Variants in YAP1 observed in about 807,000 individuals in gnomAD.
YAP1 encodes transcriptional coactivator YAP1.
In YAP1, 5 loss-of-function variants were observed where a neutral mutation model predicts 56.9. That is an observed-to-expected ratio of 0.09 (90% CI 0.05 to 0.18). YAP1 has a LOEUF of 0.18. Among genes scored for constraint, YAP1 ranks in the 10% least tolerant of loss-of-function variants. The pLI, the probability that YAP1 is intolerant of heterozygous loss-of-function variation, is 1.00. For missense variants in YAP1, 539 were observed against 651.8 expected, an observed-to-expected ratio of 0.83 and a Z score of 1.88; for synonymous variants, 265 against 248.1, an observed-to-expected ratio of 1.07 and a Z score of -0.64.
chr11:102,157,430 A>T (rs1453698348), intron 2 of YAP1, among the ~76,000 whole-genome samples: 1 of 152,218 alleles, frequency 6.6e-6, no homozygotes, highest in Non-Finnish European at 1.5e-5. Context: ...CACTTGCACA[A>T]CAAACATGGG....
At chr11:102,115,104 A>T (rs1292361873) in intron 2 of YAP1, among the ~76,000 whole-genome samples, 1 of 152,210 alleles carries the variant, frequency 6.6e-6, no homozygotes, top group Non-Finnish European at 1.5e-5. Flanking sequence ...TGTGTTTAAT[A>T]AAATGGCAGA....
intron 2 of YAP1, among the ~76,000 whole-genome samples, chr11:102,118,110 G>A (rs540397931): frequency 7.9e-5 from 12 of 152,248 alleles, no homozygotes; most frequent in African/African-American, 2.2e-4. Context: ...AATGTACCAT[G>A]TAGGACCTTA....
chr11:102,226,729 G>T (rs765459837), intron 7 of YAP1, among the ~76,000 whole-genome samples: 1 of 152,142 alleles, frequency 6.6e-6, no homozygotes, highest in Non-Finnish European at 1.5e-5. Flanking sequence ...ATTTTCAAGG[G>T]ATGTGCCTTG....
chr11:102,201,061 A>G (rs1260221190), intron 4 of YAP1, among the ~76,000 whole-genome samples: 1 of 152,310 alleles, frequency 6.6e-6, no homozygotes, highest in African/African-American at 2.4e-5. Flanking sequence ...TCAACTAAGC[A>G]ATCTCCCGTA....
At chr11:102,176,537 G>A (rs1487325211) in intron 3 of YAP1, among the ~76,000 whole-genome samples, 1 of 151,842 alleles carries the variant, frequency 6.6e-6, no homozygotes, top group South Asian at 2.1e-4. Context: ...TTGAGGTCAG[G>A]AGTTTGAGAC....
At chr11:102,118,315 A>G (rs148042552) in intron 2 of YAP1, among the ~76,000 whole-genome samples, 2 of 152,290 alleles carry the variant, frequency 1.3e-5, no homozygotes, top group South Asian at 2.1e-4. Context: ...ATTAAGTTAT[A>G]TTGAGTAGCT....
At chr11:102,218,411 T>A (rs1949764410) in intron 6 of YAP1, among the ~76,000 whole-genome samples, 1 of 152,240 alleles carries the variant, frequency 6.6e-6, no homozygotes, top group Non-Finnish European at 1.5e-5. Context: ...AACTGTGTTG[T>A]CATTCTGTAT....
chr11:102,149,371 A>G (rs909638816), intron 2 of YAP1, among the ~76,000 whole-genome samples: 2 of 152,236 alleles, frequency 1.3e-5, no homozygotes, highest in African/African-American at 2.4e-5. Context: ...ATGCTGGATT[A>G]GAAATTGATA....
At chr11:102,223,245 T>G (rs550413734) in intron 6 of YAP1, among the ~76,000 whole-genome samples, 2 of 147,858 alleles carry the variant, frequency 1.4e-5, no homozygotes, top group South Asian at 4.3e-4. Context: ...AGACTCCGTC[T>G]TGAAGAACAA....
chr11:102,141,267 C>T (rs1893497), intron 2 of YAP1, among the ~76,000 whole-genome samples: 71,199 of 151,964 alleles, frequency 0.47, 17,734 homozygotes, highest in African/African-American at 0.63. Flanking sequence ...AGATGCAGCA[C>T]AATATGAATG....
At chr11:102,186,156 T>C (rs1591358886) in intron 4 of YAP1, 25 bp downstream of exon 4, 1 of 1,603,194 alleles carries the variant, frequency 6.2e-7, no homozygotes, top group Non-Finnish European at 8.5e-7. Flanking sequence ...CAAAACCTTT[T>C]TAGATGCTTT....
rs549090917 is a variant in YAP1, at chr11:102,191,929, C to T, written c.802+5798C>T. Among the ~76,000 whole-genome samples, 5 of 152,292 alleles carry T rather than the reference C, an allele frequency of 3.3e-5. No individual in the cohort carries two copies. In the South Asian group the frequency reaches 1.0e-3, roughly 32 times the overall value. On this transcript the variant is annotated intron_variant, in intron 4 of 8. Transcript: ENST00000282441. ...GCTCAAGCAGTCTACCTGCCTCTAC[C>T]TCCCAAAGTGCTGAGTTTACAGGTG...
intron 4 of YAP1, among the ~76,000 whole-genome samples, chr11:102,190,263 G>A (rs548446115): frequency 4.1e-4 from 63 of 152,204 alleles, no homozygotes; most frequent in African/African-American, 1.4e-3. Flanking sequence ...TTTGGTTATG[G>A]ACTACATTAA....
intron 2 of YAP1, among the ~76,000 whole-genome samples, chr11:102,151,319 C>G (rs1345339524): frequency 1.3e-5 from 2 of 152,102 alleles, no homozygotes; most frequent in African/African-American, 4.8e-5. Context: ...GTACAGAAAT[C>G]ATACCTCTGT....
Position 102,110,796 on chromosome 11 carries a change from C to A in YAP1, c.-53C>A. ...GGCCCGTGGAGCCGGGGCGTCCGGG[C>A]GTAGCCCTCGCTCGCCTGGGTCAGG... On this transcript the variant is annotated 5_prime_UTR_variant, in exon 1 of 9. Coordinates refer to ENST00000282441, the MANE Select transcript of YAP1 (RefSeq NM_001130145.3). The A allele has an allele frequency of 7.7e-7, 1 of 1,299,430 alleles. No homozygotes were observed. Among genetic ancestry groups the A allele is most frequent in the Non-Finnish European group, 9.7e-7 (1 of 1,028,176 alleles). The allele number at this position is 1,299,430 out of a possible 1,614,324, so 80.5% of individuals were successfully genotyped here.
At position 102,151,130 on chromosome 11, in the gene YAP1, A is replaced by C. The variant is rs947222899; in HGVS notation, c.573-11326A>C. 2.9e-4 allele frequency among the ~76,000 whole-genome samples: 44 copies of C among 152,092 alleles called. 1 individual carries two copies. The highest frequency in any genetic ancestry group is 1.8e-4 in the Non-Finnish European group (12 of 68,006). On this transcript the variant is annotated intron_variant, in intron 2 of 8. Transcript: ENST00000282441. ...GGCGTCAGCCACCACGCCTGGCTGA[A>C]CATGGTCTTTATTCTTAAGACTAGA... is the stretch of plus-strand genomic sequence containing the variant.
intron 6 of YAP1, among the ~76,000 whole-genome samples, chr11:102,222,972 C>T (rs1307783747): frequency 6.6e-6 from 1 of 151,496 alleles, no homozygotes; most frequent in Non-Finnish European, 1.5e-5. Context: ...GGGCCGGGCG[C>T]GGTGGCTCAC....
At position 102,191,927 on chromosome 11, in the gene YAP1, A is replaced by G. The variant is rs557752898; in HGVS notation, c.802+5796A>G. On this transcript the variant is annotated intron_variant, in intron 4 of 8. Coordinates refer to ENST00000282441, the MANE Select transcript of YAP1 (RefSeq NM_001130145.3). Reference sequence around the variant, plus strand: ...GGGCTCAAGCAGTCTACCTGCCTCTACCTCCCAAAGTGCTGAGTTTACAGG... The same window carrying G: ...GGGCTCAAGCAGTCTACCTGCCTCTGCCTCCCAAAGTGCTGAGTTTACAGG... Among the ~76,000 whole-genome samples, 54 of 152,040 alleles carry G rather than the reference A, an allele frequency of 3.6e-4. No homozygotes were observed. The East Asian group carries it at 9.9e-3, about 28-fold the overall frequency.
chr11:102,114,520 C>T, intron 2 of YAP1, 126 bp downstream of exon 2: 1 of 1,174,670 alleles, frequency 8.5e-7, no homozygotes, highest in Non-Finnish European at 1.2e-6. Flanking sequence ...ATGTTAAGCT[C>T]TGTAGCTCTA....
Sources: allele counts gnomAD v4.1 joint callset (sites outside exome capture counted in the v4.1 genomes callset), GRCh38; gene constraint gnomAD v4.1.1; transcripts MANE v1.5; gene names NCBI Gene and HGNC (gene_info 2026-07-23, HGNC 2026-07-21).